ATG12: variants seen among roughly 807,000 people sequenced by gnomAD.
ATG12 encodes ubiquitin-like protein ATG12.
A neutral mutation model predicts 17.6 loss-of-function variants in ATG12; 19 were observed. That is an observed-to-expected ratio of 1.08 (90% CI 0.75 to 1.58). The LOEUF is 1.58. Among genes scored for constraint, ATG12 ranks in the 40% most tolerant of loss-of-function variants. The pLI, the probability that ATG12 is intolerant of heterozygous loss-of-function variation, is 0.00. For synonymous variants in ATG12, 75 were observed against 62.4 expected, an observed-to-expected ratio of 1.20 and a Z score of -0.95; for missense variants, 214 against 162.0, an observed-to-expected ratio of 1.32 and a Z score of -1.74.
At chr5:115,832,121 C>G (rs920854376) in intron 3 of ATG12, among the ~76,000 whole-genome samples, 2 of 152,090 alleles carry the variant, frequency 1.3e-5, no homozygotes, top group African/African-American at 4.8e-5. Context: ...CTCTACATGT[C>G]CAACCACAAT....
rs1476218102 is a variant in ATG12, at chr5:115,828,244, CAT to C, written c.*3558_*3559del. ...ATTAGTGTTATTCCAATATTTAGGA[CAT>C]AGTAGGCACTCAATATGTGAATGAC... On this transcript the variant is annotated 3_prime_UTR_variant, in exon 4 of 4. Coordinates refer to ENST00000509910, the MANE Select transcript of ATG12 (RefSeq NM_004707.4). 6.6e-6 allele frequency: 1 copy of C among 152,146 alleles called. No individual in the cohort carries two copies. Among genetic ancestry groups the C allele is most frequent in the Non-Finnish European group, 1.5e-5 (1 of 68,006 alleles). 9.4% of individuals were successfully genotyped at this position (152,146 alleles called of 1,614,324 possible). A position where few individuals can be genotyped will look rare whatever the true frequency, so the allele number is the denominator to read the frequency against.
At chr5:115,832,577 T>A in intron 3 of ATG12, 25 bp downstream of exon 3, 1 of 1,104,490 alleles carries the variant, frequency 9.1e-7, no homozygotes, top group Non-Finnish European at 1.1e-6. Flanking sequence ...CTTTCTTTTT[T>A]TTTTTTTTTT....
At chr5:115,835,589 C>G (rs968153543) in intron 2 of ATG12, among the ~76,000 whole-genome samples, 3 of 151,932 alleles carry the variant, frequency 2.0e-5, no homozygotes, top group African/African-American at 7.3e-5. Context: ...TCCCAGAGCC[C>G]TCCTGGGTCC....
rs1296665540 is a variant in ATG12, at chr5:115,831,617, T to C, written c.*187A>G. Reference sequence around the variant, plus strand: ...CCATCTTTTATGATGACTGGTGCATTAATACAAATCACATTTTTCTGAGTC... The same window carrying C: ...CCATCTTTTATGATGACTGGTGCATCAATACAAATCACATTTTTCTGAGTC... On this transcript the variant is annotated 3_prime_UTR_variant, in exon 4 of 4. Coordinates refer to ENST00000509910, the MANE Select transcript of ATG12 (RefSeq NM_004707.4). The C allele has an allele frequency of 1.6e-6, 1 of 640,578 alleles. No homozygotes were observed. The highest frequency in any genetic ancestry group is 2.8e-6 in the Non-Finnish European group (1 of 362,066). The allele number at this position is 640,578 out of a possible 1,614,324, so 39.7% of individuals were successfully genotyped here.
chr5:115,836,094 T>G (rs1308634472), intron 2 of ATG12, among the ~76,000 whole-genome samples: 1 of 152,122 alleles, frequency 6.6e-6, no homozygotes, highest in Non-Finnish European at 1.5e-5. Flanking sequence ...TCTAGGAAAA[T>G]GACAAAATAA....
intron 1 of ATG12, chr5:115,838,791 A>G (rs1761208098): frequency 1.3e-5 from 2 of 152,248 alleles, no homozygotes; most frequent in South Asian, 4.1e-4. Context: ...TGCTAAAACA[A>G]AACAAACATA....
Position 115,828,661 on chromosome 5 carries a change from T to TA in ATG12, c.*3142dup, listed in dbSNP as rs761107157. The TA allele has an allele frequency of 1.3e-5, 2 of 152,200 alleles. No individual in the cohort carries two copies. Among genetic ancestry groups the TA allele is most frequent in the Non-Finnish European group, 1.5e-5 (1 of 68,000 alleles). 9.4% of individuals were successfully genotyped at this position (152,200 alleles called of 1,614,324 possible). A position where few individuals can be genotyped will look rare whatever the true frequency, so the allele number is the denominator to read the frequency against. ...CATTACCTTCTGCTGTACAAAAACT[T>TA]AAACTATACAAAATTTCCTTTGTTT... is the stretch of plus-strand genomic sequence containing the variant. On this transcript the variant is annotated 3_prime_UTR_variant, in exon 4 of 4. Transcript: ENST00000509910.
At chr5:115,840,943 G>C (rs533163425) in intron 1 of ATG12, 1 of 1,239,640 alleles carries the variant, frequency 8.1e-7, no homozygotes, top group Non-Finnish European at 1.1e-6. Flanking sequence ...AACTGGGAGG[G>C]GGAAAAAAGC....
intron 2 of ATG12, chr5:115,833,957 ATCTCTT>A: frequency 6.6e-6 from 1 of 152,172 alleles, no homozygotes; most frequent in Middle Eastern, 3.2e-3. Context: ...GATTAATGTG[ATCTCTT>A]CCCTCAATGA....
rs1760749153 is a variant in ATG12, at chr5:115,828,906, A to C, written c.*2898T>G. ...TGAGAGAAAGGGTATCTTCTCCTTG[A>C]ATGATTCAGATAGCCTTTAAAAAGT... is the stretch of plus-strand genomic sequence containing the variant. On this transcript the variant is annotated 3_prime_UTR_variant, in exon 4 of 4. Coordinates refer to ENST00000509910, the MANE Select transcript of ATG12 (RefSeq NM_004707.4). The C allele has an allele frequency of 6.6e-6, 1 of 152,194 alleles. No homozygotes were observed. The highest frequency in any genetic ancestry group is 1.5e-5 in the Non-Finnish European group (1 of 68,020). The allele number at this position is 152,194 out of a possible 1,614,324, so 9.4% of individuals were successfully genotyped here.
At position 115,828,728 on chromosome 5, in the gene ATG12, T is replaced by C. The variant is rs1242462556; in HGVS notation, c.*3076A>G. Reference sequence around the variant, plus strand: ...GCTAATCACAATTTCATTCACTCGATGTGTTACATTACTAATTATTTACAT... The same window carrying C: ...GCTAATCACAATTTCATTCACTCGACGTGTTACATTACTAATTATTTACAT... On this transcript the variant is annotated 3_prime_UTR_variant, in exon 4 of 4. Coordinates refer to ENST00000509910, the MANE Select transcript of ATG12 (RefSeq NM_004707.4). 6.6e-6 allele frequency: 1 copy of C among 152,212 alleles called. No homozygotes were observed. Among genetic ancestry groups the C allele is most frequent in the East Asian group, 1.9e-4 (1 of 5,200 alleles). 9.4% of individuals were successfully genotyped at this position (152,212 alleles called of 1,614,324 possible).
chr5:115,834,018 G>C (rs1364206005), intron 2 of ATG12: 1 of 152,142 alleles, frequency 6.6e-6, no homozygotes, highest in Non-Finnish European at 1.5e-5. Flanking sequence ...GAATAAATAC[G>C]GGTGAGAAAA....
intron 2 of ATG12, 111 bp downstream of exon 2, chr5:115,837,517 C>A: frequency 8.7e-7 from 1 of 1,143,596 alleles, no homozygotes; most frequent in South Asian, 1.4e-5. Context: ...AAGGGCATAA[C>A]AAAAGCGACA....
intron 1 of ATG12, chr5:115,841,015 C>A: frequency 1.7e-6 from 1 of 604,816 alleles, no homozygotes; most frequent in Non-Finnish European, 2.7e-6. Flanking sequence ...ACCACCCCTA[C>A]CACCATAAAA....
chr5:115,832,844 T>C (rs1760943909), intron 2 of ATG12, 180 bp from the exon 3 acceptor site: 2 of 510,572 alleles, frequency 3.9e-6, no homozygotes, highest in African/African-American at 2.0e-5. Context: ...TCATTTTTCC[T>C]CCAGAGGAAT....
intron 2 of ATG12, among the ~76,000 whole-genome samples, chr5:115,836,010 T>A (rs1414319404): frequency 6.6e-6 from 1 of 152,176 alleles, no homozygotes; most frequent in Non-Finnish European, 1.5e-5. Flanking sequence ...CTTCCCAGAA[T>A]TCCTAGCATT....
intron 1 of ATG12, 70 bp downstream of exon 1, chr5:115,841,320 A>T: frequency 6.3e-7 from 1 of 1,595,550 alleles, no homozygotes. Context: ...TTGCTTCTTT[A>T]CTGGCCGCCA....
intron 3 of ATG12, 24 bp downstream of exon 3, chr5:115,832,578 T>C (rs1013092925): frequency 2.7e-5 from 34 of 1,241,812 alleles, no homozygotes; most frequent in South Asian, 7.3e-5. Context: ...TTTCTTTTTT[T>C]TTTTTTTTTT....
At chr5:115,840,095 A>T (rs1418825530) in intron 1 of ATG12, among the ~76,000 whole-genome samples, 15 of 152,180 alleles carry the variant, frequency 9.9e-5, no homozygotes, top group African/African-American at 2.9e-4. Flanking sequence ...GCCTATAGTA[A>T]ATTGGAAGAA....
Sources: allele counts gnomAD v4.1 joint callset (sites outside exome capture counted in the v4.1 genomes callset), GRCh38; gene constraint gnomAD v4.1.1; transcripts MANE v1.5; gene names NCBI Gene and HGNC (gene_info 2026-07-23, HGNC 2026-07-21).